DCLK1: variants seen among roughly 807,000 people sequenced by gnomAD.
DCLK1 encodes serine/threonine-protein kinase DCLK1.
DCLK1 carries 16 observed loss-of-function variants against 86.2 expected under a neutral mutation model. That is an observed-to-expected ratio of 0.19 (90% confidence interval 0.13 to 0.28). DCLK1 has a LOEUF of 0.28. Ranked by LOEUF, DCLK1 falls within the 10% of genes least tolerant of loss-of-function variation. The pLI, the probability that DCLK1 is intolerant of heterozygous loss-of-function variation, is 1.00. For missense variants in DCLK1, 590 were observed against 940.2 expected, an observed-to-expected ratio of 0.63 and a Z score of 4.87; for synonymous variants, 369 against 370.5, an observed-to-expected ratio of 1.00 and a Z score of 0.05.
chr13:35,849,535 A>C, intron 6 of DCLK1: 1 of 979,706 alleles, frequency 1.0e-6, no homozygotes, highest in Non-Finnish European at 1.2e-6. Context: ...ACAATAGACC[A>C]TACACATTAA....
At chr13:35,886,954 G>C (rs970592756) in intron 4 of DCLK1, among the ~76,000 whole-genome samples, 2 of 152,146 alleles carry the variant, frequency 1.3e-5, no homozygotes, top group Non-Finnish European at 2.9e-5. Flanking sequence ...GCTTCCCCAT[G>C]GCCACTCCTC....
chr13:35,836,717 T>C (rs1406301092), intron 7 of DCLK1, among the ~76,000 whole-genome samples: 1 of 152,232 alleles, frequency 6.6e-6, no homozygotes, highest in African/African-American at 2.4e-5. Flanking sequence ...GCAATCTGCA[T>C]AGCAGATGTT....
intron 4 of DCLK1, among the ~76,000 whole-genome samples, chr13:35,916,153 C>G (rs996203857): frequency 6.6e-6 from 1 of 152,100 alleles, no homozygotes; most frequent in African/African-American, 2.4e-5. Flanking sequence ...TGCCAGGGAG[C>G]AAAACCCTAA....
At chr13:35,809,150 A>G in intron 12 of DCLK1, 55 bp from the exon 13 acceptor site, 1 of 1,442,934 alleles carries the variant, frequency 6.9e-7, no homozygotes, top group South Asian at 1.3e-5. Flanking sequence ...CAAATTATGC[A>G]GCTTGGTAAA....
intron 11 of DCLK1, among the ~76,000 whole-genome samples, chr13:35,815,473 T>G (rs1566547187): frequency 6.6e-6 from 1 of 152,188 alleles, no homozygotes; most frequent in Non-Finnish European, 1.5e-5. Context: ...AAACGTTGGC[T>G]AATGAATTAT....
chr13:36,021,943 T>C (rs150728507), intron 3 of DCLK1, among the ~76,000 whole-genome samples: 2,403 of 152,148 alleles, frequency 0.016, 36 homozygotes, highest in Middle Eastern at 0.048. Context: ...AAAAGCAGAA[T>C]ACACATTCTT....
chr13:36,073,388 A>G (rs796827485), intron 3 of DCLK1, among the ~76,000 whole-genome samples: 3 of 152,230 alleles, frequency 2.0e-5, no homozygotes, highest in South Asian at 2.1e-4. Flanking sequence ...CACTCCCATA[A>G]CAACCATAAG....
At chr13:35,803,553 GT>G (rs2086964559) in intron 15 of DCLK1, among the ~76,000 whole-genome samples, 1 of 152,188 alleles carries the variant, frequency 6.6e-6, no homozygotes, top group Non-Finnish European at 1.5e-5. Flanking sequence ...CCAGTGGAGT[GT>G]GAAGAATCAC....
intron 3 of DCLK1, among the ~76,000 whole-genome samples, chr13:35,965,380 T>A (rs906857793): frequency 4.6e-5 from 7 of 152,220 alleles, no homozygotes; most frequent in African/African-American, 1.7e-4. Flanking sequence ...TTGACTCGAA[T>A]TTAACTGAAT....
intron 3 of DCLK1, among the ~76,000 whole-genome samples, chr13:36,054,616 A>T (rs1883236359): frequency 6.6e-6 from 1 of 152,184 alleles, no homozygotes; most frequent in African/African-American, 2.4e-5. Context: ...AAAGTAAGAT[A>T]AAAGGACAGA....
chr13:35,886,067 A>G (rs1186799058), intron 4 of DCLK1, among the ~76,000 whole-genome samples: 1 of 140,430 alleles, frequency 7.1e-6, no homozygotes, highest in East Asian at 2.1e-4. Flanking sequence ...GCTGGAGTGC[A>G]GTGGTGCAAT....
At chr13:36,105,505 G>T (rs1411154132) in intron 3 of DCLK1, among the ~76,000 whole-genome samples, 1 of 152,120 alleles carries the variant, frequency 6.6e-6, no homozygotes, top group African/African-American at 2.4e-5. Flanking sequence ...GATTATCAGG[G>T]TGTGAACTAT....
At chr13:35,811,281 A>G (rs2087135838) in intron 11 of DCLK1, among the ~76,000 whole-genome samples, 2 of 152,126 alleles carry the variant, frequency 1.3e-5, no homozygotes, top group Non-Finnish European at 2.9e-5. Flanking sequence ...GGAAATGAGC[A>G]GAGCAATTTT....
intron 3 of DCLK1, among the ~76,000 whole-genome samples, chr13:36,038,328 A>G (rs7323560): frequency 1.3e-5 from 2 of 152,144 alleles, no homozygotes; most frequent in Non-Finnish European, 2.9e-5. Context: ...TCGGTCTTCC[A>G]GAGTGCTTCC....
chr13:36,045,372 A>ATCTATCTATC lies in DCLK1; in HGVS notation c.723+66496_723+66497insGATAGATAGA, dbSNP rs1405963739. On this transcript the variant is annotated intron_variant, in intron 3 of 16. Coordinates refer to ENST00000360631, the MANE Select transcript of DCLK1 (RefSeq NM_001330071.2). ...TATATATATATATATATATATATAT[A>ATCTATCTATC]TATATTTCAAGGTAAATTGCTAACA... Among the ~76,000 whole-genome samples the ATCTATCTATC allele has an allele frequency of 1.2e-3, 160 of 129,742 alleles. 1 individual carries two copies. Among genetic ancestry groups the ATCTATCTATC allele is most frequent in the African/African-American group, 4.2e-3 (150 of 35,470 alleles). The allele number at this position is 129,742 out of a possible 152,430, so 85.1% of individuals were successfully genotyped here.
At chr13:35,839,044 G>C in intron 7 of DCLK1, 48 bp downstream of exon 7, 1 of 1,530,626 alleles carries the variant, frequency 6.5e-7, no homozygotes, top group Non-Finnish European at 8.9e-7. Context: ...AGTAAATTTA[G>C]CCAACCCATC....
intron 3 of DCLK1, among the ~76,000 whole-genome samples, chr13:36,043,850 C>T (rs776874041): frequency 6.6e-6 from 1 of 152,084 alleles, no homozygotes; most frequent in African/African-American, 2.4e-5. Flanking sequence ...TACATGTATC[C>T]TTTGTTAGGA....
chr13:36,061,126 G>C (rs1181204483), intron 3 of DCLK1, among the ~76,000 whole-genome samples: 1 of 152,122 alleles, frequency 6.6e-6, no homozygotes, highest in Non-Finnish European at 1.5e-5. Flanking sequence ...TGAGGGAGGA[G>C]TTGTGAAACC....
At chr13:36,110,826 A>AT (rs1885587407) in intron 3 of DCLK1, among the ~76,000 whole-genome samples, 1 of 133,370 alleles carries the variant, frequency 7.5e-6, no homozygotes, top group African/African-American at 3.0e-5. Context: ...ACATATAATC[A>AT]ATTTTTTTTT....
Sources: allele counts gnomAD v4.1 joint callset (sites outside exome capture counted in the v4.1 genomes callset), GRCh38; gene constraint gnomAD v4.1.1; transcripts MANE v1.5; gene names NCBI Gene and HGNC (gene_info 2026-07-23, HGNC 2026-07-21).